RASSF3: variants seen among roughly 807,000 people sequenced by gnomAD.
RASSF3 encodes the protein Ras association domain family member 3, also known as ras association domain-containing protein 3.
RASSF3 carries 19 observed loss-of-function variants against 19.9 expected under a neutral mutation model. The ratio of observed to expected loss-of-function variants is 0.96; its 90% CI spans 0.67 to 1.40. RASSF3 has a LOEUF of 1.40. Among genes scored for constraint, RASSF3 ranks in the 40% most tolerant of loss-of-function variants. The pLI, the probability that RASSF3 is intolerant of heterozygous loss-of-function variation, is 0.00. For missense variants in RASSF3, 306 were observed against 289.8 expected (o/e 1.06, Z -0.41); for synonymous variants, 110 against 104.2 (o/e 1.06, Z -0.34).
At chr12:64,614,375 G>T (rs200287047) in intron 1 of RASSF3, among the ~76,000 whole-genome samples, 2 of 151,722 alleles carry the variant, frequency 1.3e-5, no homozygotes, top group South Asian at 4.2e-4. Context: ...TGATCTGCCC[G>T]CCTCGGCCTC....
intron 4 of RASSF3, among the ~76,000 whole-genome samples, chr12:64,693,109 A>G (rs1366427494): frequency 7.9e-5 from 12 of 151,306 alleles, no homozygotes; most frequent in Non-Finnish European, 1.5e-5. Flanking sequence ...AGAATATTCT[A>G]ACGTAGAAGT....
upstream of RASSF3, among the ~76,000 whole-genome samples, chr12:64,530,643 G>A (rs1420880595): frequency 3.3e-5 from 5 of 152,104 alleles, no homozygotes; most frequent in Non-Finnish European, 7.4e-5. Flanking sequence ...TTAACAAACC[G>A]TTTTTCCAAA....
At chr12:64,563,627 C>T (rs981560355) in intron 2 of RASSF3, among the ~76,000 whole-genome samples, 1 of 152,226 alleles carries the variant, frequency 6.6e-6, no homozygotes, top group African/African-American at 2.4e-5. Context: ...CCTGCTCAAT[C>T]ACTATACACC....
In RASSF3 at chr12:64,696,851, C is replaced by G. The variant is rs1868381336; in HGVS notation, c.*1939C>G. The G allele has an allele frequency of 6.6e-6, 1 of 152,122 alleles. No homozygotes were observed. Among genetic ancestry groups the G allele is most frequent in the Non-Finnish European group, 1.5e-5 (1 of 68,016 alleles). The allele number at this position is 152,122 out of a possible 1,614,324, so 9.4% of individuals were successfully genotyped here. On this transcript the variant is annotated 3_prime_UTR_variant, in exon 5 of 5. Coordinates refer to ENST00000542104, the MANE Select transcript of RASSF3 (RefSeq NM_178169.4). ...GATGAGGTTTTAGTGACATTGTCATCCAACACTTTACCTTTATTGTTCAGG... is the reference window on the plus strand; with the variant it reads ...GATGAGGTTTTAGTGACATTGTCATGCAACACTTTACCTTTATTGTTCAGG...
chr12:64,662,236 T>C (rs1054489067), intron 1 of RASSF3, among the ~76,000 whole-genome samples: 1 of 140,734 alleles, frequency 7.1e-6, no homozygotes, highest in African/African-American at 2.7e-5. Flanking sequence ...CTGGTCAACA[T>C]GGTGAAACCC....
chr12:64,509,727 A>G (rs995734578), intron 1 of RASSF3, among the ~76,000 whole-genome samples: 1 of 152,210 alleles, frequency 6.6e-6, no homozygotes, highest in African/African-American at 2.4e-5. Flanking sequence ...TAGTTTTCTC[A>G]TTAGTTTGGA....
In RASSF3 at chr12:64,624,919, G is replaced by A. The variant is rs1425312208; in HGVS notation, c.111+14176G>A. ...CCTGACTTCGCGATCTGCCCGCCTC[G>A]GCCTCCCAAAGTGCTGGGATTACAG... On this transcript the variant is annotated intron_variant, in intron 1 of 4. Transcript: ENST00000542104. 6.6e-5 allele frequency among the ~76,000 whole-genome samples: 10 copies of A among 151,414 alleles called. 1 individual carries two copies. Among genetic ancestry groups the A allele is most frequent in the Non-Finnish European group, 1.2e-4 (8 of 67,894 alleles).
intron 1 of RASSF3, among the ~76,000 whole-genome samples, chr12:64,621,240 C>A (rs1870750653): frequency 6.6e-6 from 1 of 152,114 alleles, no homozygotes; most frequent in Non-Finnish European, 1.5e-5. Context: ...CTGGCACATT[C>A]CTTTAATTAA....
intron 2 of RASSF3, among the ~76,000 whole-genome samples, chr12:64,591,452 G>A (rs1012715504): frequency 6.7e-6 from 1 of 148,892 alleles, no homozygotes; most frequent in African/African-American, 2.5e-5. Context: ...CTCCAGGCCC[G>A]GGCCACAGCA....
At chr12:64,539,873 CTT>C (rs1868906031) in intron 1 of RASSF3, among the ~76,000 whole-genome samples, 2 of 152,220 alleles carry the variant, frequency 1.3e-5, no homozygotes, top group South Asian at 4.1e-4. Flanking sequence ...CAATAATAAA[CTT>C]ATTATTAAAT....
chr12:64,568,020 G>A (rs1009500903), intron 2 of RASSF3, among the ~76,000 whole-genome samples: 2 of 152,078 alleles, frequency 1.3e-5, no homozygotes, highest in African/African-American at 4.8e-5. Flanking sequence ...TTGCTTGTTT[G>A]GTTTTTATTT....
chr12:64,678,655 A>C (rs1290497302), intron 1 of RASSF3, among the ~76,000 whole-genome samples: 4 of 150,316 alleles, frequency 2.7e-5, no homozygotes, highest in African/African-American at 9.8e-5. Context: ...TACCAAAAAA[A>C]AAAAAAAAAA....
At chr12:64,539,970 C>T (rs917872801) in intron 1 of RASSF3, among the ~76,000 whole-genome samples, 1 of 151,800 alleles carries the variant, frequency 6.6e-6, no homozygotes, top group Non-Finnish European at 1.5e-5. Flanking sequence ...TCAGGCAGTC[C>T]CATCACTCAT....
intron 1 of RASSF3, among the ~76,000 whole-genome samples, chr12:64,642,865 C>G (rs1273925450): frequency 7.2e-6 from 1 of 138,918 alleles, no homozygotes; most frequent in Non-Finnish European, 1.6e-5. Context: ...TTCTTTCTTT[C>G]TTTTTTTTTT....
intron 2 of RASSF3, among the ~76,000 whole-genome samples, chr12:64,564,009 G>A (rs1204670868): frequency 6.6e-6 from 1 of 152,084 alleles, no homozygotes; most frequent in Non-Finnish European, 1.5e-5. Context: ...GCATGGAGTG[G>A]GTTCTCAACA....
At chr12:64,546,895 G>C (rs1265296346) in intron 2 of RASSF3, among the ~76,000 whole-genome samples, 1 of 152,012 alleles carries the variant, frequency 6.6e-6, no homozygotes, top group African/African-American at 2.4e-5. Flanking sequence ...GAAACTCCTA[G>C]AAGCTATAGA....
chr12:64,597,611 C>A (rs1424753853), intron 2 of RASSF3, among the ~76,000 whole-genome samples: 1 of 151,856 alleles, frequency 6.6e-6, no homozygotes, highest in Non-Finnish European at 1.5e-5. Flanking sequence ...TCGTGCACCA[C>A]CACGCCTGGC....
intron 1 of RASSF3, among the ~76,000 whole-genome samples, chr12:64,644,075 T>C (rs1403947926): frequency 6.6e-6 from 1 of 152,218 alleles, no homozygotes; most frequent in African/African-American, 2.4e-5. Flanking sequence ...AATATTTTGC[T>C]CTGCAGGGAT....
intron 4 of RASSF3, 28 bp from the exon 5 acceptor site, chr12:64,694,735 G>A (rs992096889): frequency 7.4e-6 from 12 of 1,613,124 alleles, no homozygotes; most frequent in Non-Finnish European, 1.0e-5. Context: ...TAAACATCTG[G>A]CATTTTTCTT....
Sources: gnomAD v4.1 joint callset for allele counts (sites outside exome capture counted in the v4.1 genomes callset) on GRCh38, gnomAD v4.1.1 for gene constraint, MANE v1.5 for transcripts, NCBI Gene and HGNC (gene_info 2026-07-23, HGNC 2026-07-21) for gene names.